TTYH3: variants seen among roughly 807,000 people sequenced by gnomAD.
TTYH3 encodes the protein protein tweety homolog 3.
A neutral mutation model predicts 68.2 loss-of-function variants in TTYH3; 23 were observed. The ratio of observed to expected loss-of-function variants is 0.34; its 90% confidence interval spans 0.24 to 0.48. The LOEUF is 0.48. TTYH3 is among the 20% of genes least tolerant of loss of function. TTYH3 has a pLI of 0.99. For missense variants in TTYH3, 768 were observed against 727.7 expected, an observed-to-expected ratio of 1.06 and a Z score of -0.64; for synonymous variants, 360 against 332.8, an observed-to-expected ratio of 1.08 and a Z score of -0.89.
chr7:2,632,045 G>A lies in TTYH3; in HGVS notation c.-111G>A. The A allele has an allele frequency of 2.0e-6, 2 of 1,015,486 alleles. No homozygotes were observed. The highest frequency in any genetic ancestry group is 1.2e-6 in the Non-Finnish European group (1 of 810,416). 62.9% of individuals were successfully genotyped at this position (1,015,486 alleles called of 1,614,324 possible). A position where few individuals can be genotyped will look rare whatever the true frequency, so the allele number is the denominator to read the frequency against. Reference sequence around the variant, plus strand: ...GGCCGGGCCGGGCCCAGGAGCGCGCGGATGATGCGGGCGGCCAGGCGGGGG... The same window carrying A: ...GGCCGGGCCGGGCCCAGGAGCGCGCAGATGATGCGGGCGGCCAGGCGGGGG... On this transcript the variant is annotated 5_prime_UTR_variant, in exon 1 of 14. Coordinates refer to ENST00000258796, the MANE Select transcript of TTYH3 (RefSeq NM_025250.3).
intron 1 of TTYH3, among the ~76,000 whole-genome samples, chr7:2,632,970 C>A (rs1161140896): frequency 6.6e-6 from 1 of 152,136 alleles, no homozygotes; most frequent in East Asian, 1.9e-4. Flanking sequence ...CAGGAAGCAC[C>A]GTGGGCCTCA....
chr7:2,635,855 T>C (rs1269078470), intron 1 of TTYH3, among the ~76,000 whole-genome samples: 2 of 152,190 alleles, frequency 1.3e-5, no homozygotes, highest in Non-Finnish European at 2.9e-5. Flanking sequence ...GAGGTCACCA[T>C]ACAGAGACCT....
chr7:2,647,187 T>G lies in TTYH3; in HGVS notation c.339T>G (p.Asp113Glu). The G allele has an allele frequency of 6.2e-7, 1 of 1,607,012 alleles. No homozygotes were observed. Among genetic ancestry groups the G allele is most frequent in the Non-Finnish European group, 8.5e-7 (1 of 1,178,234 alleles). Reference sequence around the variant, plus strand: ...TCTACGGCAACGGGGAGACCAGTGATGGCATCCATAGGGCCACCTACTCGC... The same window carrying G: ...TCTACGGCAACGGGGAGACCAGTGAGGGCATCCATAGGGCCACCTACTCGC... ...VGFYGNGETSDGIHRATYSLR... is the reference protein window; with the variant it reads ...VGFYGNGETSEGIHRATYSLR... The change falls in exon 3 of 14, where the codon GAT (aspartate) becomes GAG (glutamate). Residue 113 changes from aspartate (D) to glutamate (E), a missense_variant. Coordinates refer to ENST00000258796, the MANE Select transcript of TTYH3 (RefSeq NM_025250.3).
rs1347548785 is a variant in TTYH3, at chr7:2,646,879, C to T, written c.150C>T (p.Ala50=). ...QQALLLLGAA[A]LACLALDLLF... ...CCCTGCTGCTCCTGGGGGCCGCCGC[C>T]CTGGCCTGCCTCGCCCTGGACCTCC... is the stretch of plus-strand genomic sequence containing the variant. Residue 50 remains alanine, a synonymous_variant, in exon 2 of 14, where the codon GCC becomes GCT. Coordinates refer to ENST00000258796, the MANE Select transcript of TTYH3 (RefSeq NM_025250.3). 2 of 1,597,520 alleles carry T rather than the reference C, an allele frequency of 1.3e-6. No individual in the cohort carries two copies. The highest frequency in any genetic ancestry group is 1.7e-6 in the Non-Finnish European group (2 of 1,179,050).
intron 8 of TTYH3, 81 bp downstream of exon 8, chr7:2,652,323 G>A (rs993122806): frequency 3.1e-6 from 4 of 1,289,648 alleles, no homozygotes; most frequent in African/African-American, 1.5e-5. Flanking sequence ...AGCAGGCCTG[G>A]CGCCTGGCTC....
chr7:2,655,048 C>G (rs1314290732), intron 9 of TTYH3, among the ~76,000 whole-genome samples: 1 of 152,234 alleles, frequency 6.6e-6, no homozygotes, highest in African/African-American at 2.4e-5. Flanking sequence ...AGTGCAGCCC[C>G]TTTCTGAGGT....
chr7:2,633,208 T>C (rs986896609), intron 1 of TTYH3, among the ~76,000 whole-genome samples: 6 of 152,172 alleles, frequency 3.9e-5, no homozygotes, highest in African/African-American at 1.4e-4. Flanking sequence ...GGGTCCCTGG[T>C]CACCCGGAGT....
intron 1 of TTYH3, among the ~76,000 whole-genome samples, chr7:2,636,834 C>T (rs948801120): frequency 6.6e-6 from 1 of 152,090 alleles, no homozygotes; most frequent in Non-Finnish European, 1.5e-5. Context: ...CTTGGCCCGG[C>T]CGCTGCCCGC....
At chr7:2,652,265 C>A (rs766831552) in intron 8 of TTYH3, 23 bp downstream of exon 8, 1 of 1,608,272 alleles carries the variant, frequency 6.2e-7, no homozygotes, top group South Asian at 1.1e-5. Flanking sequence ...GAGGCCGGGA[C>A]TGGGCTTCAG....
At position 2,647,453 on chromosome 7, in the gene TTYH3, G is replaced by C; in HGVS notation, c.441G>C (p.Ala147=). 1 of 1,530,494 alleles carries C rather than the reference G, an allele frequency of 6.5e-7. No individual in the cohort carries two copies. Among genetic ancestry groups the C allele is most frequent in the Non-Finnish European group, 8.8e-7 (1 of 1,142,840 alleles). 94.8% of individuals were successfully genotyped at this position (1,530,494 alleles called of 1,614,324 possible). A position where few individuals can be genotyped will look rare whatever the true frequency, so the allele number is the denominator to read the frequency against. ...WDTAVGLNHT[A]EPSLQTLERQ... The stretch of plus-strand genomic sequence containing the variant: ...CGGCGGTGGGGCTGAACCACACGGC[G>C]GAGCCCAGCCTGCAGACCCTGGAGC... Residue 147 remains alanine, a synonymous_variant, in exon 4 of 14, where the codon GCG becomes GCC. Coordinates refer to ENST00000258796, the MANE Select transcript of TTYH3 (RefSeq NM_025250.3).
chr7:2,637,417 C>T (rs946761701), intron 1 of TTYH3, among the ~76,000 whole-genome samples: 1 of 152,096 alleles, frequency 6.6e-6, no homozygotes, highest in Non-Finnish European at 1.5e-5. Flanking sequence ...ACACTGTGTC[C>T]CCGACATAAG....
intron 13 of TTYH3, among the ~76,000 whole-genome samples, chr7:2,660,796 C>A (rs1306164706): frequency 6.6e-6 from 1 of 152,110 alleles, no homozygotes; most frequent in Admixed American, 6.5e-5. Flanking sequence ...TGGGAGCCAG[C>A]CTGCCAGGTC....
chr7:2,634,103 G>A (rs977185226), intron 1 of TTYH3, among the ~76,000 whole-genome samples: 1 of 152,218 alleles, frequency 6.6e-6, no homozygotes, highest in Non-Finnish European at 1.5e-5. Context: ...CATCTCCACA[G>A]AGCAGAATTA....
At chr7:2,641,110 A>T (rs1254699167) in intron 1 of TTYH3, among the ~76,000 whole-genome samples, 1 of 152,136 alleles carries the variant, frequency 6.6e-6, no homozygotes, top group Non-Finnish European at 1.5e-5. Flanking sequence ...GCCACACCCC[A>T]GCCCTGCCCG....
intron 1 of TTYH3, among the ~76,000 whole-genome samples, chr7:2,640,409 G>GC (rs1785807365): frequency 6.6e-6 from 1 of 152,002 alleles, no homozygotes; most frequent in Non-Finnish European, 1.5e-5. Context: ...TGTGTGGGGG[G>GC]GGACGTGTGT....
intron 1 of TTYH3, among the ~76,000 whole-genome samples, chr7:2,643,814 C>G (rs1785915333): frequency 1.3e-5 from 2 of 152,178 alleles, no homozygotes; most frequent in African/African-American, 4.8e-5. Flanking sequence ...GAGGTCACAC[C>G]TGTTTAGGCT....
Position 2,645,010 on chromosome 7 carries a change from T to A in TTYH3, c.124-1843T>A, listed in dbSNP as rs571339590. Among the ~76,000 whole-genome samples the A allele has an allele frequency of 6.6e-6, 1 of 152,356 alleles. No homozygotes were observed. Among genetic ancestry groups the A allele is most frequent in the South Asian group, 2.1e-4 (1 of 4,834 alleles). ...TGGGGTCCCAAGAGGGCCACACTGC[T>A]GAAGCATTGAGATGTGGGGAGAGAG... On this transcript the variant is annotated intron_variant, in intron 1 of 13. Transcript: ENST00000258796. This position sits in a 1 kb window ranked among gnomAD's most constrained non-coding sequence, Gnocchi z 4.8.
intron 3 of TTYH3, 74 bp downstream of exon 3, chr7:2,647,327 G>C: frequency 6.6e-7 from 1 of 1,514,770 alleles, no homozygotes; most frequent in Non-Finnish European, 8.8e-7. Context: ...AGGACGGGCG[G>C]GGCAGCCGGG....
At chr7:2,641,784 G>T (rs1042764725) in intron 1 of TTYH3, among the ~76,000 whole-genome samples, 2 of 152,240 alleles carry the variant, frequency 1.3e-5, no homozygotes, top group South Asian at 4.1e-4. Flanking sequence ...GGGTGCAGAG[G>T]CCAGGCTGGC....
Sources: allele counts gnomAD v4.1 joint callset (sites outside exome capture counted in the v4.1 genomes callset), GRCh38; gene constraint gnomAD v4.1.1; non-coding constraint Gnocchi (gnomAD v3.1); transcripts MANE v1.5; gene names NCBI Gene and HGNC (gene_info 2026-07-23, HGNC 2026-07-21).